TCEA1: variants seen among roughly 807,000 people sequenced by gnomAD.
The protein encoded by TCEA1 is transcription elongation factor A1.
TCEA1 carries 21 observed loss-of-function variants against 43.8 expected under a neutral mutation model. The ratio of observed to expected loss-of-function variants is 0.48; its 90% CI spans 0.34 to 0.69. TCEA1 has a LOEUF of 0.69. Ranked by LOEUF, TCEA1 falls within the 30% of genes least tolerant of loss-of-function variation. The pLI is 0.01. For missense variants in TCEA1, 250 were observed against 365.1 expected, an observed-to-expected ratio of 0.68 and a Z score of 2.57; for synonymous variants, 104 against 117.5, an observed-to-expected ratio of 0.88 and a Z score of 0.75.
intron 1 of TCEA1, among the ~76,000 whole-genome samples, chr8:54,020,202 C>CT (rs1176679658): frequency 2.0e-5 from 3 of 152,150 alleles, no homozygotes; most frequent in Non-Finnish European, 4.4e-5. Flanking sequence ...CAACAAATGG[C>CT]TTTTTTTCCC....
rs1432350832 is a variant in TCEA1 at position 53,988,311 on chromosome 8, G to T, written c.321-52C>A. On this transcript the variant is annotated intron_variant, in intron 4 of 9. Coordinates refer to ENST00000521604, the MANE Select transcript of TCEA1 (RefSeq NM_006756.4). ...AGAAATCAAGAACAATCCTTTCAAAGTAACAATACTACTATCATGCTGTAA... is the reference window on the plus strand; with the variant it reads ...AGAAATCAAGAACAATCCTTTCAAATTAACAATACTACTATCATGCTGTAA... The T allele has an allele frequency of 2.5e-6, 4 of 1,581,048 alleles. No individual in the cohort carries two copies. The Admixed American group carries it at 5.1e-5, about 20-fold the overall frequency.
intron 1 of TCEA1, among the ~76,000 whole-genome samples, chr8:54,010,849 T>C (rs1413490567): frequency 6.6e-6 from 1 of 152,110 alleles, no homozygotes; most frequent in East Asian, 1.9e-4. Flanking sequence ...CTCACTCTGT[T>C]GCCCAGGTTG....
rs564410035 is a variant in TCEA1, at chr8:54,018,542, TAAAGTTCAGA to T, written c.63+3511_63+3520del. The stretch of plus-strand genomic sequence containing the variant: ...AAGAACTTGCCTAAAATCACACAGC[TAAAGTTCAGA>T]AAAGTTCAGAAAAGCCAGGATTTGA... On this transcript the variant is annotated intron_variant, in intron 1 of 9. Coordinates refer to ENST00000521604, the MANE Select transcript of TCEA1 (RefSeq NM_006756.4). Among the ~76,000 whole-genome samples the T allele has an allele frequency of 4.1e-3, 617 of 152,280 alleles. 6 individuals are homozygous for T. The highest frequency in any genetic ancestry group is 0.011 in the African/African-American group (437 of 41,558).
chr8:54,022,035 C>G (rs971079022), intron 1 of TCEA1, 28 bp downstream of exon 1: 10 of 1,574,256 alleles, frequency 6.4e-6, no homozygotes, highest in Non-Finnish European at 8.6e-6. Context: ...CGGCCTCCCT[C>G]CCGGCCCGCG....
At chr8:53,997,043 C>A (rs1804079690) in intron 3 of TCEA1, among the ~76,000 whole-genome samples, 1 of 151,736 alleles carries the variant, frequency 6.6e-6, no homozygotes, top group Non-Finnish European at 1.5e-5. Flanking sequence ...GTAGCTGGGA[C>A]TACAGGTGCT....
rs908359982 is a variant in TCEA1 at position 53,989,849 on chromosome 8, A to G, written c.321-1590T>C. On this transcript the variant is annotated intron_variant, in intron 4 of 9. Coordinates refer to ENST00000521604, the MANE Select transcript of TCEA1 (RefSeq NM_006756.4). ...GCAGTGGTGCCATCACAGCTCATGC[A>G]GCTTTGAACTCCTGGGCTCAAGCAA... Among the ~76,000 whole-genome samples the G allele has an allele frequency of 9.9e-5, 15 of 152,264 alleles. No homozygotes were observed. The East Asian group carries it at 1.5e-3, about 16-fold the overall frequency.
intron 1 of TCEA1, chr8:54,021,846 G>C (rs373120089): frequency 7.4e-6 from 3 of 405,452 alleles, no homozygotes; most frequent in South Asian, 7.3e-5. Flanking sequence ...AGCGAGCAGG[G>C]ACTGGAAATA....
rs1491178778 is a variant in TCEA1 at position 54,013,701 on chromosome 8, AAC to A, written c.64-3211_64-3210del. 7.7e-4 allele frequency among the ~76,000 whole-genome samples: 112 copies of A among 144,948 alleles called. 1 individual carries two copies. Among genetic ancestry groups the A allele is most frequent in the African/African-American group, 2.9e-3 (105 of 36,420 alleles). On this transcript the variant is annotated intron_variant, in intron 1 of 9. Transcript: ENST00000521604. ...ATCTCAAAAAAAAAAAAAAAAAAAA[AAC>A]AAAAAACAGACAAACAAAAAGAAAT...
chr8:53,983,734 T>C (rs897109597), intron 7 of TCEA1, among the ~76,000 whole-genome samples: 2 of 152,140 alleles, frequency 1.3e-5, no homozygotes, highest in Non-Finnish European at 2.9e-5. Flanking sequence ...CAAAAAAGGT[T>C]AGCACTTACA....
At chr8:53,990,246 A>AAAGG (rs1228600552) in intron 4 of TCEA1, among the ~76,000 whole-genome samples, 4 of 151,360 alleles carry the variant, frequency 2.6e-5, no homozygotes, top group Non-Finnish European at 5.9e-5. Flanking sequence ...TTTGGTAGAG[A>AAAGG]AAGGGTCTAT....
At chr8:54,006,428 G>A (rs1478766004) in intron 2 of TCEA1, among the ~76,000 whole-genome samples, 3 of 151,944 alleles carry the variant, frequency 2.0e-5, no homozygotes, top group South Asian at 2.1e-4. Context: ...GCAGTGAGCC[G>A]AGATCGTGCC....
rs1803374298 is a variant in TCEA1 at position 53,977,701 on chromosome 8, A to T, written c.825+1324T>A. On this transcript the variant is annotated intron_variant, in intron 8 of 9. Transcript: ENST00000521604. ...AACCTATTTGGCAAATGAAATTAAG[A>T]CAGTGATAAAAAAAATTTTCACATA... Among the ~76,000 whole-genome samples the T allele has an allele frequency of 3.3e-5, 5 of 152,028 alleles. No homozygotes were observed. In the South Asian group the frequency reaches 1.0e-3, roughly 31 times the overall value.
chr8:53,990,785 T>A (rs187174239), intron 4 of TCEA1, among the ~76,000 whole-genome samples: 40 of 152,344 alleles, frequency 2.6e-4, no homozygotes, highest in Admixed American at 5.2e-4. Flanking sequence ...CTCACTAGTT[T>A]CACTACTGCT....
At chr8:53,997,962 A>C (rs151001749) in intron 3 of TCEA1, among the ~76,000 whole-genome samples, 1 of 152,338 alleles carries the variant, frequency 6.6e-6, no homozygotes, top group Non-Finnish European at 1.5e-5. Context: ...TTCTGCCTTG[A>C]ATATATTTCC....
intron 8 of TCEA1, chr8:53,972,326 T>C: frequency 2.1e-6 from 1 of 469,316 alleles, no homozygotes; most frequent in South Asian, 1.7e-5. Flanking sequence ...ATGAAGAGAA[T>C]GGTGAGGATG....
In TCEA1 at chr8:53,979,180, T is replaced by C. The variant is rs1563470030; in HGVS notation, c.679-9A>G. The C allele has an allele frequency of 2.5e-6, 4 of 1,612,498 alleles. No individual in the cohort carries two copies. Among genetic ancestry groups the C allele is most frequent in the Non-Finnish European group, 3.4e-6 (4 of 1,178,724 alleles). ...TCATCACTAGCCATTTCCTATGAGG[T>C]AGGGGGCAATACCACTCAGTTATAG... On this transcript the variant is annotated splice_polypyrimidine_tract_variant and intron_variant, in intron 7 of 9. Transcript: ENST00000521604.
chr8:54,008,887 C>T (rs1195445308), intron 2 of TCEA1, among the ~76,000 whole-genome samples: 3 of 146,482 alleles, frequency 2.0e-5, no homozygotes, highest in Admixed American at 6.9e-5. Flanking sequence ...TCTCACTTTG[C>T]GGCTTGGGAT....
At chr8:54,010,846 T>C (rs766391193) in intron 1 of TCEA1, among the ~76,000 whole-genome samples, 6 of 152,132 alleles carry the variant, frequency 3.9e-5, no homozygotes, top group Non-Finnish European at 7.4e-5. Flanking sequence ...AGTCTCACTC[T>C]GTTGCCCAGG....
intron 7 of TCEA1, among the ~76,000 whole-genome samples, chr8:53,982,222 GA>G (rs1236197981): frequency 6.6e-6 from 1 of 152,068 alleles, no homozygotes; most frequent in African/African-American, 2.4e-5. Flanking sequence ...TCATTGAGAA[GA>G]GGTCAATATG....
Sources: allele counts gnomAD v4.1 joint callset (sites outside exome capture counted in the v4.1 genomes callset), GRCh38; gene constraint gnomAD v4.1.1; transcripts MANE v1.5; gene names NCBI Gene and HGNC (gene_info 2026-07-23, HGNC 2026-07-21).